LDLRAD3: variants seen among roughly 807,000 people sequenced by gnomAD.
The protein encoded by LDLRAD3 is low-density lipoprotein receptor class A domain-containing protein 3.
A neutral mutation model predicts 29.4 loss-of-function variants in LDLRAD3; 20 were observed. The ratio of observed to expected loss-of-function variants is 0.68; its 90% confidence interval spans 0.48 to 0.99. LDLRAD3 has a LOEUF of 0.99. Among genes scored for constraint, LDLRAD3 ranks in the 50% least tolerant of loss-of-function variants. The pLI is 0.00. For missense variants in LDLRAD3, 420 were observed against 454.3 expected, an observed-to-expected ratio of 0.92 and a Z score of 0.69; for synonymous variants, 157 against 192.7, an observed-to-expected ratio of 0.81 and a Z score of 1.53.
chr11:35,999,520 T>C (rs1851796361), intron 1 of LDLRAD3, among the ~76,000 whole-genome samples: 2 of 152,144 alleles, frequency 1.3e-5, no homozygotes, highest in Non-Finnish European at 2.9e-5. Flanking sequence ...TCCTTCTTGG[T>C]GTTCTTGGCT....
intron 4 of LDLRAD3, among the ~76,000 whole-genome samples, chr11:36,125,957 T>G (rs2133300723): frequency 6.6e-6 from 1 of 152,280 alleles, no homozygotes; most frequent in Non-Finnish European, 1.5e-5. Flanking sequence ...AGCTGTAGGC[T>G]TATGCTGGGA....
At chr11:36,077,414 C>T (rs1481368133) in intron 2 of LDLRAD3, among the ~76,000 whole-genome samples, 1 of 152,228 alleles carries the variant, frequency 6.6e-6, no homozygotes, top group Non-Finnish European at 1.5e-5. Context: ...TTTGCTCTGG[C>T]CTGCTGGGCT....
chr11:35,957,493 A>C (rs570830656), intron 1 of LDLRAD3, among the ~76,000 whole-genome samples: 1 of 152,286 alleles, frequency 6.6e-6, no homozygotes, highest in South Asian at 2.1e-4. Context: ...GGATGTAAAA[A>C]CAGCTAGTAA....
intron 2 of LDLRAD3, among the ~76,000 whole-genome samples, chr11:36,061,096 AG>A (rs539292436): frequency 4.9e-4 from 74 of 152,278 alleles, no homozygotes; most frequent in African/African-American, 1.7e-3. Flanking sequence ...ACATTTAGTA[AG>A]AGTGTCTTCT....
chr11:35,973,070 A>G (rs563477698), intron 1 of LDLRAD3, among the ~76,000 whole-genome samples: 1,611 of 151,198 alleles, frequency 0.011, 38 homozygotes, highest in South Asian at 0.058. Flanking sequence ...AAAAAAAAAA[A>G]AAAGGGAGCA....
chr11:36,212,865 AG>A (rs1855302044), intron 4 of LDLRAD3, among the ~76,000 whole-genome samples: 1 of 152,210 alleles, frequency 6.6e-6, no homozygotes, highest in African/African-American at 2.4e-5. Context: ...ACTTATTGAA[AG>A]GATGGAATGC....
intron 4 of LDLRAD3, among the ~76,000 whole-genome samples, chr11:36,119,295 G>T (rs1002177344): frequency 3.3e-5 from 5 of 152,040 alleles, no homozygotes; most frequent in African/African-American, 1.2e-4. Context: ...GTTTCTGTGT[G>T]GACATATGTG....
chr11:36,085,392 G>A (rs1328077638), intron 3 of LDLRAD3, among the ~76,000 whole-genome samples: 1 of 149,726 alleles, frequency 6.7e-6, no homozygotes, highest in African/African-American at 2.5e-5. Flanking sequence ...AGATCATAGC[G>A]TGTCTGGGTA....
chr11:36,187,925 G>A, intron 4 of LDLRAD3, among the ~76,000 whole-genome samples: 1 of 152,184 alleles, frequency 6.6e-6, no homozygotes, highest in Non-Finnish European at 1.5e-5. Context: ...TTGTGTTTCT[G>A]TAGTACTTTG....
chr11:36,109,627 G>A (rs991557584), intron 4 of LDLRAD3, among the ~76,000 whole-genome samples: 9 of 152,094 alleles, frequency 5.9e-5, no homozygotes, highest in Admixed American at 5.9e-4. Context: ...GCTTTTTTCT[G>A]TCACCAAATA....
chr11:36,014,310 G>C (rs1414073345), intron 1 of LDLRAD3, among the ~76,000 whole-genome samples: 4 of 152,220 alleles, frequency 2.6e-5, no homozygotes, highest in Non-Finnish European at 5.9e-5. Flanking sequence ...AGAGAGAGGG[G>C]TGCATGACCG....
intron 1 of LDLRAD3, among the ~76,000 whole-genome samples, chr11:36,017,930 G>C (rs748296189): frequency 3.9e-5 from 6 of 152,194 alleles, no homozygotes; most frequent in Non-Finnish European, 7.3e-5. Flanking sequence ...TGTTCTGGGT[G>C]CACCAGTTTT....
intron 4 of LDLRAD3, among the ~76,000 whole-genome samples, chr11:36,221,412 C>T (rs992523635): frequency 4.0e-5 from 6 of 151,496 alleles, no homozygotes; most frequent in South Asian, 2.1e-4. Flanking sequence ...AAGCTGTCCT[C>T]AGGGACTCAT....
chr11:36,228,258 G>T (rs182186572), intron 5 of LDLRAD3, among the ~76,000 whole-genome samples: 9 of 152,298 alleles, frequency 5.9e-5, no homozygotes, highest in Non-Finnish European at 1.2e-4. Context: ...CTCATAGAAG[G>T]TGAATAAAGT....
chr11:36,223,876 T>C (rs2133390938), intron 4 of LDLRAD3, among the ~76,000 whole-genome samples: 1 of 151,228 alleles, frequency 6.6e-6, no homozygotes, highest in African/African-American at 2.4e-5. Flanking sequence ...GTGAGGATAA[T>C]GGTAAGAACA....
chr11:36,212,161 T>C (rs1855290928), intron 4 of LDLRAD3, among the ~76,000 whole-genome samples: 1 of 152,154 alleles, frequency 6.6e-6, no homozygotes, highest in Non-Finnish European at 1.5e-5. Flanking sequence ...ATATCATATA[T>C]AGGAATCTGG....
chr11:36,037,328 T>C (rs1044871619), intron 2 of LDLRAD3, among the ~76,000 whole-genome samples: 3 of 152,080 alleles, frequency 2.0e-5, no homozygotes, highest in Non-Finnish European at 4.4e-5. Context: ...CTTTTTTTTT[T>C]CCCTGAAACG....
At chr11:36,008,158 A>G (rs904055470) in intron 1 of LDLRAD3, among the ~76,000 whole-genome samples, 1 of 152,172 alleles carries the variant, frequency 6.6e-6, no homozygotes, top group Admixed American at 6.5e-5. Context: ...GGCCATTTTT[A>G]TGTGAGGAGG....
intron 2 of LDLRAD3, among the ~76,000 whole-genome samples, chr11:36,064,103 T>A (rs1852750782): frequency 6.6e-6 from 1 of 152,220 alleles, no homozygotes; most frequent in Admixed American, 6.5e-5. Context: ...TGTTGTAGTT[T>A]TCAGTGTACA....
Sources: allele counts gnomAD v4.1 joint callset (sites outside exome capture counted in the v4.1 genomes callset), GRCh38; gene constraint gnomAD v4.1.1; transcripts MANE v1.5; gene names NCBI Gene and HGNC (gene_info 2026-07-23, HGNC 2026-07-21).